Variants in CIZ1 observed in about 807,000 individuals in gnomAD.
CIZ1 encodes the protein cip1-interacting zinc finger protein.
A neutral mutation model predicts 118.6 loss-of-function variants in CIZ1; 58 were observed. The observed-to-expected ratio is 0.49, with a 90% CI of 0.40 to 0.61. CIZ1 has a LOEUF of 0.61. Among genes scored for constraint, CIZ1 ranks in the 20% least tolerant of loss-of-function variants. CIZ1 has a pLI of 0.00. For synonymous variants in CIZ1, 448 were observed against 443.4 expected (o/e 1.01, Z -0.13); for missense variants, 921 against 1,115.9 (o/e 0.83, Z 2.49).
intron 1 of CIZ1, among the ~76,000 whole-genome samples, chr9:128,199,741 C>G (rs1378252926): frequency 6.6e-6 from 1 of 150,812 alleles, no homozygotes; most frequent in Non-Finnish European, 1.5e-5. Flanking sequence ...AACAAAAAAG[C>G]TTTGGGAGCT....
chr9:128,179,058 T>C lies in CIZ1; in HGVS notation c.1149A>G (p.Ala383=), dbSNP rs1464906611. Residue 383 remains alanine (A), a synonymous_variant, in exon 8 of 17, where the codon GCA becomes GCG. Transcript: ENST00000372938. The stretch of plus-strand genomic sequence containing the variant: ...GCACCTGCCTTGGGCCCTGTGAATG[T>C]GCCTGTGGCTGTACCTGTGGCTGCA... ...KQVQPQVQPQ[A]HSQGPRQVQL... 1 of 1,613,214 alleles carries C rather than the reference T, an allele frequency of 6.2e-7. No homozygotes were observed. The highest frequency in any genetic ancestry group is 1.7e-5 in the Admixed American group (1 of 59,976).
chr9:128,191,578 A>C, upstream of CIZ1: 1 of 1,132,126 alleles, frequency 8.8e-7, no homozygotes, highest in Non-Finnish European at 1.1e-6. The surrounding 1 kb of genome is among the most constrained non-coding windows in gnomAD (Gnocchi z 5.5). Flanking sequence ...GTAAGGCCCA[A>C]ATGCGGGCGG....
chr9:128,174,400 C>T (rs920773350), intron 11 of CIZ1, among the ~76,000 whole-genome samples: 1 of 152,170 alleles, frequency 6.6e-6, no homozygotes, highest in African/African-American at 2.4e-5. Flanking sequence ...GCTGTGGGTA[C>T]CTGGTGCCCA....
At chr9:128,199,124 T>C (rs1225802801) in intron 1 of CIZ1, among the ~76,000 whole-genome samples, 1 of 152,098 alleles carries the variant, frequency 6.6e-6, no homozygotes, top group Admixed American at 6.6e-5. Flanking sequence ...TCCCAGCACT[T>C]TGGGAGGCCG....
chr9:128,201,887 C>A (rs1286009235), intron 1 of CIZ1, among the ~76,000 whole-genome samples: 1 of 152,192 alleles, frequency 6.6e-6, no homozygotes, highest in Non-Finnish European at 1.5e-5. Flanking sequence ...AGAGGGCCTG[C>A]TTGTTCCCCA....
chr9:128,167,307 G>A (rs983622610), intron 14 of CIZ1, 143 bp from the exon 15 acceptor site: 2 of 630,280 alleles, frequency 3.2e-6, no homozygotes, highest in Admixed American at 6.2e-5. Context: ...CATTCTCTGA[G>A]CCTTTGCACA....
rs553185145 is a variant in CIZ1 at position 128,178,664 on chromosome 9, G to A, written c.1498+45C>T. 5.0e-6 allele frequency: 8 copies of A among 1,588,114 alleles called. No individual in the cohort carries two copies. The African/African-American group carries it at 8.0e-5, about 16-fold the overall frequency. Reference sequence around the variant, plus strand: ...AGGGGAGGAATGAAGGGTCTGGGCAGAGCTGTCCCATCACCAGACCAGCTG... The same window carrying A: ...AGGGGAGGAATGAAGGGTCTGGGCAAAGCTGTCCCATCACCAGACCAGCTG... On this transcript the variant is annotated intron_variant, in intron 8 of 16. Coordinates refer to ENST00000372938, the MANE Select transcript of CIZ1 (RefSeq NM_001131016.2).
Position 128,167,117 on chromosome 9 carries a change from G to T in CIZ1, c.2343C>A (p.Thr781=). 6.2e-7 allele frequency: 1 copy of T among 1,603,220 alleles called. No individual in the cohort carries two copies. The highest frequency in any genetic ancestry group is 8.5e-7 in the Non-Finnish European group (1 of 1,174,620). The part of the protein sequence containing the change: ...ISREEWKGSE[T]YSPNTAYGVD... ...TACCATATGCAGTATTGGGGCTGTA[G>T]GTCTCCGAGCCCTTCCACTCCTCTC... The change falls in exon 15 of 17, where the codon ACC becomes ACA. Residue 781 remains threonine (T), a synonymous_variant. Transcript: ENST00000372938.
Position 128,179,623 on chromosome 9 carries a change from G to T in CIZ1, c.792-208C>A, listed in dbSNP as rs560611922. ...CCTGGGATTACAGGTGTGAGCCACC[G>T]CGCCCAGCCCAAGACTGTTTCTTTT... On this transcript the variant is annotated intron_variant, in intron 7 of 16. Transcript: ENST00000372938. 3.3e-5 allele frequency among the ~76,000 whole-genome samples: 5 copies of T among 150,872 alleles called. No individual in the cohort carries two copies. The South Asian group carries it at 1.1e-3, about 32-fold the overall frequency.
chr9:128,177,132 C>T (rs1203859238), intron 10 of CIZ1, among the ~76,000 whole-genome samples: 2 of 152,172 alleles, frequency 1.3e-5, no homozygotes, highest in East Asian at 3.9e-4. Context: ...TTGTGATCCA[C>T]CCACCTCAGC....
chr9:128,180,441 G>C lies in CIZ1; in HGVS notation c.765C>G (p.Ser255=), dbSNP rs146815974. The stretch of plus-strand genomic sequence containing the variant: ...TCCTCAATCTCTTTGCTGGCAGCTC[G>C]GACGCCTCACAAGGCTCAGGCTCAG... ...PAPEPEPCEA[S]ELPAKRLRSS... is the part of the protein sequence containing the mutation. The change falls in exon 7 of 17, where the codon TCC becomes TCG. Residue 255 remains serine, a synonymous_variant. Transcript: ENST00000372938. 2.8e-5 allele frequency: 45 copies of C among 1,613,908 alleles called. No individual in the cohort carries two copies. The highest frequency in any genetic ancestry group is 3.5e-5 in the Non-Finnish European group (41 of 1,179,934).
intron 3 of CIZ1, among the ~76,000 whole-genome samples, chr9:128,188,899 A>G (rs1250650598): frequency 6.6e-6 from 1 of 152,044 alleles, no homozygotes; most frequent in Non-Finnish European, 1.5e-5. Flanking sequence ...CCCAGGTTCA[A>G]GTGATTCTCC....
chr9:128,178,658 T>C (rs760355985), intron 8 of CIZ1, 51 bp downstream of exon 8: 1 of 1,589,714 alleles, frequency 6.3e-7, no homozygotes, highest in South Asian at 1.1e-5. Context: ...ATGAAGGGTC[T>C]GGGCAGAGCT....
chr9:128,182,421 G>A (rs1228848810), intron 5 of CIZ1, among the ~76,000 whole-genome samples: 14 of 151,992 alleles, frequency 9.2e-5, no homozygotes, highest in Non-Finnish European at 1.3e-4. Context: ...GATTACAGGC[G>A]TGAGCCACCA....
At chr9:128,172,508 A>G (rs1015939295) in intron 11 of CIZ1, among the ~76,000 whole-genome samples, 1 of 152,090 alleles carries the variant, frequency 6.6e-6, no homozygotes, top group East Asian at 1.9e-4. Context: ...AAAACCAAAA[A>G]AAGTGTCTCA....
At position 128,166,088 on chromosome 9, in the gene CIZ1, T is replaced by G. The variant is rs1280000816; in HGVS notation, c.*109A>C. ...ACTGCACAGCCAAACTACCTTGTTT[T>G]ATTGGATTTTGAGTAAAAACATGAA... On this transcript the variant is annotated 3_prime_UTR_variant, in exon 17 of 17. Transcript: ENST00000372938. The surrounding 1 kb of genome is among the most constrained non-coding windows in gnomAD (Gnocchi z 4.4). 1.2e-6 allele frequency: 1 copy of G among 807,700 alleles called. No individual in the cohort carries two copies. The highest frequency in any genetic ancestry group is 1.8e-6 in the Non-Finnish European group (1 of 548,242). 50.0% of individuals were successfully genotyped at this position (807,700 alleles called of 1,614,324 possible). A position where few individuals can be genotyped will look rare whatever the true frequency, so the allele number is the denominator to read the frequency against.
intron 2 of CIZ1, 60 bp downstream of exon 2, chr9:128,190,628 C>T (rs1833014406): frequency 5.9e-6 from 9 of 1,523,092 alleles, no homozygotes; most frequent in Non-Finnish European, 5.3e-6. Flanking sequence ...GGATCGGGAG[C>T]TCCGAGACAT....
intron 3 of CIZ1, among the ~76,000 whole-genome samples, 183 bp from the exon 4 acceptor site, chr9:128,188,117 C>CAAAAAAAAAAAAAAAAAA (rs34796767): frequency 9.5e-6 from 1 of 104,794 alleles, no homozygotes; most frequent in Non-Finnish European, 1.9e-5. Context: ...AAGAAAAAAG[C>CAAAAAAAAAAAAAAAAAA]AAAAAAAAAA....
upstream of CIZ1, among the ~76,000 whole-genome samples, chr9:128,193,071 C>T (rs1833270855): frequency 1.3e-5 from 2 of 152,350 alleles, no homozygotes; most frequent in African/African-American, 4.8e-5. Flanking sequence ...CGCTCCAAAG[C>T]TCTGGACTGG....
Sources: gnomAD v4.1 joint callset for allele counts (sites outside exome capture counted in the v4.1 genomes callset) on GRCh38, gnomAD v4.1.1 for gene constraint, Gnocchi (gnomAD v3.1) non-coding constraint, MANE v1.5 for transcripts, NCBI Gene and HGNC (gene_info 2026-07-23, HGNC 2026-07-21) for gene names.